The following TENM4 variants were observed in gnomAD, a reference collection of about 807,000 sequenced individuals.
TENM4 encodes teneurin transmembrane protein 4.
TENM4 carries 82 observed loss-of-function variants against 243.3 expected under a neutral mutation model. The observed-to-expected ratio is 0.34, with a 90% CI of 0.28 to 0.40. TENM4 has a LOEUF of 0.40. Ranked by LOEUF, TENM4 falls within the 10% of genes least tolerant of loss-of-function variation. The pLI is 1.00. For synonymous variants in TENM4, 1,412 were observed against 1,456.3 expected, an observed-to-expected ratio of 0.97 and a Z score of 0.69; for missense variants, 3,138 against 3,673.3, an observed-to-expected ratio of 0.85 and a Z score of 3.77.
chr11:78,688,044 C>A lies in TENM4; in HGVS notation c.5260+10G>T. 1.2e-6 allele frequency: 2 copies of A among 1,612,992 alleles called. No homozygotes were observed. Among genetic ancestry groups the A allele is most frequent in the Non-Finnish European group, 1.7e-6 (2 of 1,179,394 alleles). ...CTGCCTCAAAGTCCCCTGGCCCCCA[C>A]CTGACTTACCTTGCAGCAGTGTGTA... On this transcript the variant is annotated intron_variant, in intron 29 of 33. Transcript: ENST00000278550.
chr11:79,201,348 G>A (rs982479486), intron 3 of TENM4, among the ~76,000 whole-genome samples: 1 of 152,126 alleles, frequency 6.6e-6, no homozygotes, highest in Non-Finnish European at 1.5e-5. Context: ...CTTTGGAAGA[G>A]CTGTGGCTAG....
At chr11:79,204,239 A>G (rs1422832536) in intron 3 of TENM4, among the ~76,000 whole-genome samples, 1 of 152,200 alleles carries the variant, frequency 6.6e-6, no homozygotes, top group African/African-American at 2.4e-5. Flanking sequence ...AAAGCACTGA[A>G]TTGTACACTT....
intron 28 of TENM4, among the ~76,000 whole-genome samples, chr11:78,695,790 G>T: frequency 1.4e-5 from 2 of 146,246 alleles, no homozygotes; most frequent in Admixed American, 6.8e-5. Context: ...TTTTTTCCTG[G>T]CTGCTTTTAA....
chr11:79,110,115 AT>A (rs1228206474), intron 4 of TENM4, among the ~76,000 whole-genome samples: 3 of 152,134 alleles, frequency 2.0e-5, no homozygotes, highest in African/African-American at 7.2e-5. Flanking sequence ...CGTAGAAACA[AT>A]ACCCTCCTCC....
In TENM4 at chr11:78,669,238, G is replaced by A; in HGVS notation, c.7107C>T (p.Val2369=). ...ACDNIGTPLA[V]FSGTGLMIKQ... The stretch of plus-strand genomic sequence containing the variant: ...TGATCATCAAACCTGTTCCACTAAA[G>A]ACAGCAAGAGGGGTCCCGATGTTGT... Residue 2369 remains valine (V), a synonymous_variant, in exon 32 of 34, where the codon GTC becomes GTT. Transcript: ENST00000278550. The surrounding 1 kb of genome is among the most constrained non-coding windows in gnomAD (Gnocchi z 6.4). 1 of 1,613,948 alleles carries A rather than the reference G, an allele frequency of 6.2e-7. No homozygotes were observed. The highest frequency in any genetic ancestry group is 8.5e-7 in the Non-Finnish European group (1 of 1,179,888).
chr11:78,817,437 T>G (rs1360026109), intron 12 of TENM4, among the ~76,000 whole-genome samples: 2 of 152,182 alleles, frequency 1.3e-5, no homozygotes, highest in Non-Finnish European at 2.9e-5. Context: ...ATCCAACACG[T>G]GGCCTCGTTT....
intron 4 of TENM4, among the ~76,000 whole-genome samples, chr11:79,071,330 A>G (rs1860410214): frequency 6.6e-6 from 1 of 152,122 alleles, no homozygotes; most frequent in Non-Finnish European, 1.5e-5. Context: ...CTGCTTCACT[A>G]TCCAATTAGA....
At chr11:78,857,581 G>C (rs1046533350) in intron 10 of TENM4, among the ~76,000 whole-genome samples, 2 of 152,116 alleles carry the variant, frequency 1.3e-5, no homozygotes, top group Non-Finnish European at 2.9e-5. Context: ...GCTTCAAACT[G>C]TTAAATGTTA....
intron 10 of TENM4, among the ~76,000 whole-genome samples, chr11:78,862,110 TCC>T (rs1224197437): frequency 1.3e-5 from 2 of 152,184 alleles, no homozygotes; most frequent in Non-Finnish European, 2.9e-5. Context: ...ATAGGAAATA[TCC>T]ATGTCTCATT....
At chr11:78,688,012 C>T (rs1170023480) in intron 29 of TENM4, 42 bp downstream of exon 29, 1 of 1,601,794 alleles carries the variant, frequency 6.2e-7, no homozygotes, top group African/African-American at 1.3e-5. Context: ...GGGGTCTTCC[C>T]ACCCCTCTGC....
At chr11:78,765,927 T>C (rs1432007694) in intron 18 of TENM4, among the ~76,000 whole-genome samples, 1 of 152,134 alleles carries the variant, frequency 6.6e-6, no homozygotes, top group Admixed American at 6.5e-5. Context: ...ATGAAAAAGA[T>C]GAAAACATAT....
intron 14 of TENM4, 61 bp downstream of exon 14, chr11:78,812,061 G>A: frequency 6.6e-7 from 1 of 1,510,590 alleles, no homozygotes; most frequent in Non-Finnish European, 8.9e-7. Flanking sequence ...CACCCTCTTG[G>A]CACTATATGC....
At chr11:79,214,048 G>A (rs574568448) in intron 3 of TENM4, among the ~76,000 whole-genome samples, 345 of 151,588 alleles carry the variant, frequency 2.3e-3, no homozygotes, top group African/African-American at 8.0e-3. Flanking sequence ...CTGGAGTGCA[G>A]TGGCACAATT....
At chr11:79,219,616 C>T (rs946857311) in intron 2 of TENM4, among the ~76,000 whole-genome samples, 39 of 152,284 alleles carry the variant, frequency 2.6e-4, no homozygotes, top group Middle Eastern at 6.8e-3. Flanking sequence ...TGCTCCAAAT[C>T]CCCTAGTGAG....
chr11:79,294,920 A>T (rs1331419525), intron 2 of TENM4, among the ~76,000 whole-genome samples: 3 of 152,170 alleles, frequency 2.0e-5, no homozygotes, highest in Non-Finnish European at 4.4e-5. Flanking sequence ...GGTACTCCAA[A>T]TGGGCATTTG....
intron 2 of TENM4, among the ~76,000 whole-genome samples, chr11:79,276,380 A>G (rs2135354646): frequency 6.6e-6 from 1 of 152,366 alleles, no homozygotes; most frequent in East Asian, 1.9e-4. Flanking sequence ...TAACCTGCAC[A>G]GAAGGGCTAG....
intron 6 of TENM4, among the ~76,000 whole-genome samples, chr11:78,998,633 C>T (rs888870635): frequency 3.3e-5 from 5 of 151,948 alleles, no homozygotes; most frequent in South Asian, 2.1e-4. Flanking sequence ...CTGTCCACCA[C>T]GCCTTGGCCA....
At chr11:78,972,131 A>T (rs1565149578) in intron 6 of TENM4, among the ~76,000 whole-genome samples, 1 of 152,218 alleles carries the variant, frequency 6.6e-6, no homozygotes, top group East Asian at 1.9e-4. Context: ...TTAAAAAAAC[A>T]ATAAATGTTA....
At chr11:78,986,093 C>A (rs1305460629) in intron 6 of TENM4, among the ~76,000 whole-genome samples, 1 of 152,170 alleles carries the variant, frequency 6.6e-6, no homozygotes, top group East Asian at 1.9e-4. Context: ...TTCTACTGGG[C>A]TCCTCTTACT....
Sources: gnomAD v4.1 joint callset for allele counts (sites outside exome capture counted in the v4.1 genomes callset) on GRCh38, gnomAD v4.1.1 for gene constraint, Gnocchi (gnomAD v3.1) non-coding constraint, MANE v1.5 for transcripts, NCBI Gene and HGNC (gene_info 2026-07-23, HGNC 2026-07-21) for gene names.